Variants in COL11A1 observed in about 807,000 individuals in gnomAD.
The protein encoded by COL11A1 is collagen alpha-1(XI) chain.
A neutral mutation model predicts 265.2 loss-of-function variants in COL11A1; 74 were observed. The ratio of observed to expected loss-of-function variants is 0.28; its 90% CI spans 0.23 to 0.34. The LOEUF is 0.34. COL11A1 is among the 10% of genes least tolerant of loss of function. The pLI is 1.00. For missense variants in COL11A1, 2,165 were observed against 2,263.6 expected, an observed-to-expected ratio of 0.96 and a Z score of 0.88; for synonymous variants, 816 against 727.6, an observed-to-expected ratio of 1.12 and a Z score of -1.96.
rs1375115729 is a variant in COL11A1, at chr1:103,021,695, A to G, written c.1308+12T>C. ...TTACCAACCTTTAAAGTGTATTCAC[A>G]CTACTACTTACAGGCTCAACCACTG... On this transcript the variant is annotated intron_variant, in intron 9 of 66. Coordinates refer to ENST00000370096, the MANE Select transcript of COL11A1 (RefSeq NM_001854.4). 2.5e-6 allele frequency: 4 copies of G among 1,590,206 alleles called. No homozygotes were observed. The highest frequency in any genetic ancestry group is 2.6e-6 in the Non-Finnish European group (3 of 1,158,196).
At chr1:102,962,101 C>T (rs2101571443) in intron 40 of COL11A1, 75 bp downstream of exon 40, 1 of 1,263,110 alleles carries the variant, frequency 7.9e-7, no homozygotes, top group Non-Finnish European at 1.2e-6. Context: ...ATCATCACTT[C>T]TTAAGTTCTG....
chr1:103,036,794 A>T (rs574092473), intron 4 of COL11A1, among the ~76,000 whole-genome samples: 1 of 152,110 alleles, frequency 6.6e-6, no homozygotes, highest in East Asian at 1.9e-4. Context: ...CATCTTTAGC[A>T]TACAAGGCAT....
chr1:103,022,840 A>T lies in COL11A1; in HGVS notation c.1147T>A (p.Phe383Ile), dbSNP rs368746938. The change falls in exon 8 of 67, where the codon TTT becomes ATT. Residue 383 changes from phenylalanine to isoleucine, a missense_variant. By Grantham distance (21) the Phe-to-Ile change is conservative. Transcript: ENST00000370096. ...TCTTCATATTCTTTATATTCATAAA[A>T]ATCATATTCGCCTAAATCTCCATCT... ...LVDGDLGEYD[F>I]YEYKEYEDKP... 9 of 1,613,786 alleles carry T rather than the reference A, an allele frequency of 5.6e-6. No homozygotes were observed. In the African/African-American group the frequency reaches 9.3e-5, roughly 17 times the overall value.
chr1:103,047,241 A>G (rs1390637715), intron 4 of COL11A1, among the ~76,000 whole-genome samples: 1 of 152,218 alleles, frequency 6.6e-6, no homozygotes, highest in South Asian at 2.1e-4. Context: ...ACCCATGAGC[A>G]TGGAATGTTC....
At chr1:102,878,275 A>G in intron 66 of COL11A1, 110 bp from the exon 67 acceptor site, 1 of 936,118 alleles carries the variant, frequency 1.1e-6, no homozygotes, top group Middle Eastern at 3.5e-4. Context: ...AGAGAAGAGA[A>G]TAGAAAAACA....
chr1:102,892,773 A>T lies in COL11A1; in HGVS notation c.4303-2269T>A, dbSNP rs1195205354. 2.6e-5 allele frequency among the ~76,000 whole-genome samples: 4 copies of T among 152,272 alleles called. No homozygotes were observed. In the East Asian group the frequency reaches 7.7e-4, roughly 29 times the overall value. Reference sequence around the variant, plus strand: ...TTTTTAATTCATAACTGAATTTGGAATTCTCTAAGTATTAAAGTGGACAAT... The same window carrying T: ...TTTTTAATTCATAACTGAATTTGGATTTCTCTAAGTATTAAAGTGGACAAT... On this transcript the variant is annotated intron_variant, in intron 57 of 66. Transcript: ENST00000370096.
intron 54 of COL11A1, among the ~76,000 whole-genome samples, chr1:102,911,695 C>T (rs1013349398): frequency 6.6e-5 from 10 of 152,108 alleles, no homozygotes; most frequent in Admixed American, 2.0e-4. Flanking sequence ...ATACTGTTTC[C>T]GAGCCAGAGA....
intron 28 of COL11A1, 127 bp from the exon 29 acceptor site, chr1:102,989,698 T>C: frequency 1.9e-6 from 1 of 530,094 alleles, no homozygotes; most frequent in South Asian, 3.4e-5. Context: ...GCATGGTAGT[T>C]GTGAAACTTC....
At chr1:102,900,601 A>G (rs1439713366) in intron 54 of COL11A1, among the ~76,000 whole-genome samples, 2 of 152,174 alleles carry the variant, frequency 1.3e-5, no homozygotes, top group Non-Finnish European at 2.9e-5. Flanking sequence ...TAGAAAAGAT[A>G]TATCAATACA....
chr1:102,902,416 C>T (rs1201973752), intron 54 of COL11A1, among the ~76,000 whole-genome samples: 2 of 151,952 alleles, frequency 1.3e-5, no homozygotes, highest in Non-Finnish European at 2.9e-5. Flanking sequence ...CATTTTTGAA[C>T]ATGTTAAATG....
At chr1:102,994,998 T>A (rs1007243373) in intron 28 of COL11A1, among the ~76,000 whole-genome samples, 1 of 151,996 alleles carries the variant, frequency 6.6e-6, no homozygotes, top group Admixed American at 6.6e-5. Context: ...CAGATCTTGT[T>A]AAGAACACAC....
chr1:102,898,736 C>T lies in COL11A1; in HGVS notation c.4178G>A (p.Gly1393Asp), dbSNP rs761963308. ...AGAEGPPGKTGPVGPQGPAGK... is the reference protein window; with the variant it reads ...AGAEGPPGKTDPVGPQGPAGK... ...TGCAGGTCCCTGAGGACCGACTGGG[C>T]CGGTTTTTCCAGGAGGACCTTCTGC... Residue 1393 changes from glycine to aspartate, a missense_variant, in exon 56 of 67, where the codon GGC becomes GAC. Coordinates refer to ENST00000370096, the MANE Select transcript of COL11A1 (RefSeq NM_001854.4). 4.3e-6 allele frequency: 7 copies of T among 1,613,006 alleles called. No homozygotes were observed. In the Admixed American group the frequency reaches 1.0e-4, roughly 23 times the overall value.
intron 31 of COL11A1, 81 bp downstream of exon 31, chr1:102,984,057 T>C: frequency 9.9e-7 from 1 of 1,009,930 alleles, no homozygotes; most frequent in Admixed American, 1.8e-5. Context: ...TATAGAGATG[T>C]TACAAATTGT....
intron 66 of COL11A1, 88 bp from the exon 67 acceptor site, chr1:102,878,253 TAAG>T: frequency 8.2e-7 from 1 of 1,217,686 alleles, no homozygotes; most frequent in Middle Eastern, 2.8e-4. Flanking sequence ...TGAGTGGAGG[TAAG>T]AAGCTGAGAG....
At chr1:103,095,532 C>T (rs927119189) in intron 1 of COL11A1, among the ~76,000 whole-genome samples, 2 of 151,854 alleles carry the variant, frequency 1.3e-5, no homozygotes, top group African/African-American at 2.4e-5. Context: ...GAATTCTAAG[C>T]AAAAGGAAAA....
intron 5 of COL11A1, among the ~76,000 whole-genome samples, chr1:103,026,647 T>C (rs540831672): frequency 1.6e-4 from 24 of 152,292 alleles, no homozygotes; most frequent in Non-Finnish European, 2.4e-4. Flanking sequence ...TACTTGGACA[T>C]AGATGTCAAA....
chr1:102,907,666 T>C (rs1654148994), intron 54 of COL11A1, among the ~76,000 whole-genome samples: 1 of 152,080 alleles, frequency 6.6e-6, no homozygotes, highest in Non-Finnish European at 1.5e-5. Flanking sequence ...CAACGTTATA[T>C]ACACATACAC....
intron 3 of COL11A1, among the ~76,000 whole-genome samples, chr1:103,077,839 C>A (rs1035588058): frequency 6.6e-5 from 10 of 152,126 alleles, no homozygotes; most frequent in African/African-American, 2.4e-4. Flanking sequence ...CCATCTCTAT[C>A]ACTTTCCAAC....
intron 52 of COL11A1, 65 bp downstream of exon 52, chr1:102,914,287 T>C (rs1008824228): frequency 1.2e-5 from 16 of 1,282,540 alleles, no homozygotes; most frequent in Non-Finnish European, 1.8e-5. Context: ...TTTTTCTTTA[T>C]TAACAATACA....
Sources: gnomAD v4.1 joint callset for allele counts (sites outside exome capture counted in the v4.1 genomes callset) on GRCh38, gnomAD v4.1.1 for gene constraint, MANE v1.5 for transcripts, NCBI Gene and HGNC (gene_info 2026-07-23, HGNC 2026-07-21) for gene names.